Variants in KIF1B observed in about 807,000 individuals in gnomAD.
The protein encoded by KIF1B is kinesin family member 1B, also known as kinesin-like protein KIF1B.
A neutral mutation model predicts 241.9 loss-of-function variants in KIF1B; 76 were observed. The observed-to-expected ratio is 0.31, with a 90% CI of 0.26 to 0.38. KIF1B has a LOEUF of 0.38. Among genes scored for constraint, KIF1B ranks in the 10% least tolerant of loss-of-function variants. The pLI is 1.00. For missense variants in KIF1B, 1,622 were observed against 2,271.4 expected (o/e 0.71, Z 5.81); for synonymous variants, 750 against 796.7 (o/e 0.94, Z 0.99).
chr1:10,310,470 ATTG>A (rs1311417395), intron 22 of KIF1B, among the ~76,000 whole-genome samples: 1 of 151,552 alleles, frequency 6.6e-6, no homozygotes, highest in Non-Finnish European at 1.5e-5. Context: ...GTTCAACTCT[ATTG>A]TTGTAGTACG....
chr1:10,215,025 G>A (rs1214663132), intron 1 of KIF1B, among the ~76,000 whole-genome samples: 2 of 150,954 alleles, frequency 1.3e-5, no homozygotes, highest in Non-Finnish European at 2.9e-5. Flanking sequence ...ACATAATACT[G>A]TACTTATTAT....
intron 22 of KIF1B, chr1:10,307,191 G>C: frequency 9.7e-7 from 1 of 1,029,880 alleles, no homozygotes; most frequent in Non-Finnish European, 1.2e-6. Context: ...CTGAGCAAAT[G>C]CTTATCCTAG....
At chr1:10,294,173 C>T (rs1650145778) in intron 17 of KIF1B, among the ~76,000 whole-genome samples, 1 of 152,088 alleles carries the variant, frequency 6.6e-6, no homozygotes, top group Non-Finnish European at 1.5e-5. Flanking sequence ...GACCATGTGA[C>T]TTATTTTTGG....
chr1:10,336,950 C>A, intron 29 of KIF1B, 124 bp from the exon 30 acceptor site: 1 of 1,319,160 alleles, frequency 7.6e-7, no homozygotes, highest in Non-Finnish European at 1.1e-6. Flanking sequence ...CCTCAGACAG[C>A]CCTCAGTCCA....
intron 44 of KIF1B, among the ~76,000 whole-genome samples, chr1:10,369,443 A>G (rs1489636134): frequency 6.6e-6 from 1 of 152,156 alleles, no homozygotes; most frequent in East Asian, 1.9e-4. Context: ...AGCCTGGGCA[A>G]TATAGCACAA....
intron 27 of KIF1B, among the ~76,000 whole-genome samples, chr1:10,327,611 C>G (rs760494779): frequency 6.6e-6 from 1 of 152,096 alleles, no homozygotes; most frequent in Admixed American, 6.5e-5. Context: ...TTTGTGCATC[C>G]ATCTTTCAGT....
At chr1:10,211,357 C>G (rs1229687542) in intron 1 of KIF1B, among the ~76,000 whole-genome samples, 2 of 152,184 alleles carry the variant, frequency 1.3e-5, no homozygotes, top group East Asian at 3.9e-4. Context: ...CATCGCTTGG[C>G]GCTGGGGGAG....
intron 48 of KIF1B, 143 bp from the exon 49 acceptor site, chr1:10,376,402 C>A: frequency 1.2e-6 from 1 of 801,992 alleles, no homozygotes; most frequent in South Asian, 1.3e-5. Flanking sequence ...GTCACAGGGT[C>A]CCGGAGTAGA....
chr1:10,265,129 G>C (rs1196511032), intron 5 of KIF1B, among the ~76,000 whole-genome samples: 1 of 151,936 alleles, frequency 6.6e-6, no homozygotes, highest in African/African-American at 2.4e-5. Flanking sequence ...CACAGTGTGT[G>C]GCTCCCAAAG....
intron 27 of KIF1B, among the ~76,000 whole-genome samples, chr1:10,328,562 T>C (rs12137880): frequency 0.33 from 49,991 of 152,206 alleles, 8,363 homozygotes; most frequent in Middle Eastern, 0.38. Flanking sequence ...CTTGCTTCAT[T>C]TGATGGCTGC....
At chr1:10,302,352 G>A (rs921440653) in intron 22 of KIF1B, among the ~76,000 whole-genome samples, 1 of 151,990 alleles carries the variant, frequency 6.6e-6, no homozygotes, top group South Asian at 2.1e-4. Context: ...CACTTTAATC[G>A]TACGACGGAA....
At chr1:10,282,054 G>A (rs114181699) in intron 14 of KIF1B, among the ~76,000 whole-genome samples, 5 of 152,314 alleles carry the variant, frequency 3.3e-5, no homozygotes, top group African/African-American at 1.2e-4. Context: ...ATCCCCCTGC[G>A]AGATACAGCG....
chr1:10,260,874 A>G (rs1648096248), intron 4 of KIF1B, among the ~76,000 whole-genome samples: 1 of 151,912 alleles, frequency 6.6e-6, no homozygotes, highest in African/African-American at 2.4e-5. Flanking sequence ...TCTCAAAAAA[A>G]AAAAAAAGAA....
At chr1:10,324,538 A>C (rs1029828632) in intron 25 of KIF1B, among the ~76,000 whole-genome samples, 1 of 152,130 alleles carries the variant, frequency 6.6e-6, no homozygotes, top group African/African-American at 2.4e-5. Context: ...ATAGGTGGCC[A>C]TTCTTGACTT....
Position 10,324,058 on chromosome 1 carries a change from C to T in KIF1B, c.2533C>T (p.Leu845Phe). The T allele has an allele frequency of 6.2e-7, 1 of 1,614,030 alleles. No homozygotes were observed. Among genetic ancestry groups the T allele is most frequent in the Non-Finnish European group, 8.5e-7 (1 of 1,179,914 alleles). The change falls in exon 25 of 49, where the codon CTC (leucine) becomes TTC (phenylalanine). Residue 845 changes from leucine to phenylalanine, a missense_variant. By Grantham distance (22) the Leu-to-Phe change is conservative. This residue lies in a region of KIF1B where 803 missense variants were observed against 1,112.0 expected (regional missense o/e 0.72). Coordinates refer to ENST00000676179, the MANE Select transcript of KIF1B (RefSeq NM_001365951.3). ...GATHYWSLEK[L>F]KQRLDLMREM... ...AACACACTATTGGTCTTTGGAGAAA[C>T]TCAAGTATGAAAACATTCATAAAGG...
At chr1:10,276,819 A>G (rs1223758016) in intron 12 of KIF1B, among the ~76,000 whole-genome samples, 2 of 152,128 alleles carry the variant, frequency 1.3e-5, no homozygotes, top group East Asian at 3.9e-4. Context: ...AGTGGCCCCC[A>G]CCTGTAATCC....
intron 22 of KIF1B, among the ~76,000 whole-genome samples, chr1:10,317,551 G>T (rs1157774467): frequency 1.3e-5 from 2 of 151,312 alleles, no homozygotes; most frequent in African/African-American, 4.9e-5. Flanking sequence ...ATTGCCTGAG[G>T]CCAGGCGCAC....
intron 10 of KIF1B, 50 bp downstream of exon 10, chr1:10,273,081 A>T: frequency 7.2e-7 from 1 of 1,379,692 alleles, no homozygotes; most frequent in Non-Finnish European, 1.0e-6. Flanking sequence ...TTATGTTTTA[A>T]ATCCTCACTA....
chr1:10,256,863 C>A (rs1647818709), intron 3 of KIF1B, among the ~76,000 whole-genome samples: 4 of 152,064 alleles, frequency 2.6e-5, no homozygotes, highest in African/African-American at 7.2e-5. Context: ...AGGCGCGTGG[C>A]ACTATGCCCA....
Sources: allele counts gnomAD v4.1 joint callset (sites outside exome capture counted in the v4.1 genomes callset), GRCh38; gene constraint gnomAD v4.1.1; regional missense constraint gnomAD v4.1.1; transcripts MANE v1.5; gene names NCBI Gene and HGNC (gene_info 2026-07-23, HGNC 2026-07-21).